Variants in CA10 observed in about 807,000 individuals in gnomAD.
The protein encoded by CA10 is carbonic anhydrase 10 (inactive).
A neutral mutation model predicts 44.2 loss-of-function variants in CA10; 14 were observed. The observed-to-expected ratio is 0.32, with a 90% confidence interval of 0.21 to 0.50. The LOEUF (loss-of-function observed/expected upper bound fraction) is 0.50. Among genes scored for constraint, CA10 ranks in the 20% least tolerant of loss-of-function variants. The probability of loss-of-function intolerance (pLI) is 0.99; values close to 1 mark genes in which losing one functional copy is unlikely to be tolerated. For synonymous variants in CA10, 159 were observed against 141.6 expected, an observed-to-expected ratio of 1.12 and a Z score of -0.87; for missense variants, 350 against 409.7, an observed-to-expected ratio of 0.85 and a Z score of 1.26.
intron 1 of CA10, among the ~76,000 whole-genome samples, chr17:52,141,683 G>A (rs914099172): frequency 2.0e-5 from 3 of 152,148 alleles, no homozygotes; most frequent in African/African-American, 7.2e-5. Context: ...AACAGGTTGT[G>A]GGCTGGATTT....
intron 1 of CA10, among the ~76,000 whole-genome samples, chr17:52,072,894 A>G (rs1183732177): frequency 6.6e-6 from 1 of 152,156 alleles, no homozygotes; most frequent in Non-Finnish European, 1.5e-5. Flanking sequence ...AAACAAGAAT[A>G]TAAATAACTG....
chr17:51,757,940 A>G (rs1905121707), intron 3 of CA10, among the ~76,000 whole-genome samples: 1 of 152,098 alleles, frequency 6.6e-6, no homozygotes, highest in Non-Finnish European at 1.5e-5. Context: ...GCTGTTAGGA[A>G]AAGAGTGGCT....
intron 4 of CA10, among the ~76,000 whole-genome samples, chr17:51,735,229 C>A (rs535491355): frequency 6.6e-6 from 1 of 152,254 alleles, no homozygotes; most frequent in East Asian, 1.9e-4. Context: ...AGAACAGAAT[C>A]ATGTCTTTTG....
intron 3 of CA10, among the ~76,000 whole-genome samples, chr17:51,930,268 T>C (rs1982598981): frequency 1.3e-5 from 2 of 152,108 alleles, no homozygotes; most frequent in African/African-American, 4.8e-5. Flanking sequence ...ATTTTCTGCA[T>C]GTGCATTTTT....
At position 51,931,146 on chromosome 17, in the gene CA10, G is replaced by A. The variant is rs759648220; in HGVS notation, c.137-14C>T. On this transcript the variant is annotated splice_polypyrimidine_tract_variant and intron_variant, in intron 2 of 8. Coordinates refer to ENST00000451037, the MANE Select transcript of CA10 (RefSeq NM_020178.5). ...AGAAAGAAGGAACTAGAAACAAAAA[G>A]AAATTATAGAATTAGGCTGAGTAGC... 2 of 1,612,608 alleles carry A rather than the reference G, an allele frequency of 1.2e-6. No individual in the cohort carries two copies. Among genetic ancestry groups the A allele is most frequent in the Non-Finnish European group, 8.5e-7 (1 of 1,179,224 alleles).
At chr17:51,912,093 A>G (rs1981811823) in intron 3 of CA10, among the ~76,000 whole-genome samples, 1 of 152,196 alleles carries the variant, frequency 6.6e-6, no homozygotes, top group Non-Finnish European at 1.5e-5. Context: ...TCACCATGTT[A>G]TATGTAGCAC....
intron 2 of CA10, among the ~76,000 whole-genome samples, chr17:51,953,601 C>A (rs1983564703): frequency 6.6e-6 from 1 of 151,998 alleles, no homozygotes. Flanking sequence ...TAGTTCAAGT[C>A]TCTTTTGGTG....
At chr17:52,109,126 A>G (rs954231710) in intron 1 of CA10, among the ~76,000 whole-genome samples, 1 of 152,164 alleles carries the variant, frequency 6.6e-6, no homozygotes, top group Non-Finnish European at 1.5e-5. Flanking sequence ...AACAAAACCA[A>G]TACTAGGAAG....
At chr17:51,818,773 G>A (rs1360183442) in intron 3 of CA10, among the ~76,000 whole-genome samples, 2 of 152,236 alleles carry the variant, frequency 1.3e-5, no homozygotes, top group East Asian at 3.9e-4. Context: ...TGGGATATTG[G>A]GCTCTTTTAT....
intron 2 of CA10, among the ~76,000 whole-genome samples, chr17:51,953,467 T>A (rs1038821898): frequency 1.8e-4 from 27 of 151,764 alleles, no homozygotes; most frequent in African/African-American, 6.5e-4. Context: ...TTTTTTTTTT[T>A]AATTTGAACT....
chr17:51,831,667 A>ACAGCAGCAGCAGCAGCAGCAGCAGCAGC (rs1413563405), intron 3 of CA10, among the ~76,000 whole-genome samples: 20 of 127,410 alleles, frequency 1.6e-4, no homozygotes, highest in Non-Finnish European at 2.6e-4. Context: ...AGAAAAGAAA[A>ACAGCAGCAGCAGCAGCAGCAGCAGCAGC]AGCAGCAGCA....
At chr17:52,073,790 C>T (rs913320477) in intron 1 of CA10, among the ~76,000 whole-genome samples, 4 of 152,072 alleles carry the variant, frequency 2.6e-5, no homozygotes, top group Non-Finnish European at 5.9e-5. Context: ...GGACAGCAGG[C>T]AAAGGAGGAA....
In CA10 at chr17:51,942,538, T is replaced by TTA. The variant is rs10549926; in HGVS notation, c.137-11408_137-11407dup. 8.4e-3 allele frequency among the ~76,000 whole-genome samples: 1,132 copies of TTA among 135,174 alleles called. 44 individuals are homozygous for TTA. Among genetic ancestry groups the TTA allele is most frequent in the African/African-American group, 0.026 (1,026 of 39,762 alleles). 88.7% of individuals were successfully genotyped at this position (135,174 alleles called of 152,430 possible). ...AGCCAGGAAGGAAATCTTGCAGGCA[T>TTA]TATATATATATATATATCTGTCATC... On this transcript the variant is annotated intron_variant, in intron 2 of 8. Coordinates refer to ENST00000451037, the MANE Select transcript of CA10 (RefSeq NM_020178.5).
At chr17:52,040,583 AG>A (rs1220433393) in intron 2 of CA10, among the ~76,000 whole-genome samples, 1 of 152,134 alleles carries the variant, frequency 6.6e-6, no homozygotes, top group Non-Finnish European at 1.5e-5. Context: ...CAGGCTATGC[AG>A]GACAATGATC....
At chr17:52,089,367 A>C (rs922516780) in intron 1 of CA10, among the ~76,000 whole-genome samples, 5 of 152,210 alleles carry the variant, frequency 3.3e-5, no homozygotes, top group Admixed American at 2.6e-4. Context: ...TTGGATTCCA[A>C]GGTTTTCTTA....
At chr17:51,821,839 C>T (rs1040918350) in intron 3 of CA10, among the ~76,000 whole-genome samples, 1 of 152,158 alleles carries the variant, frequency 6.6e-6, no homozygotes, top group Non-Finnish European at 1.5e-5. Flanking sequence ...AGTTTGACTC[C>T]CGATTCTGTT....
chr17:51,921,399 A>T (rs16950799), intron 3 of CA10, among the ~76,000 whole-genome samples: 13 of 152,244 alleles, frequency 8.5e-5, no homozygotes, highest in African/African-American at 2.9e-4. Flanking sequence ...CAGCAGAGCT[A>T]GTTCTCCCCT....
In CA10 at chr17:51,982,944, A is replaced by T. The variant is rs377061364; in HGVS notation, c.137-51812T>A. 2.6e-5 allele frequency among the ~76,000 whole-genome samples: 4 copies of T among 152,024 alleles called. No individual in the cohort carries two copies. The East Asian group carries it at 7.7e-4, about 29-fold the overall frequency. On this transcript the variant is annotated intron_variant, in intron 2 of 8. Coordinates refer to ENST00000451037, the MANE Select transcript of CA10 (RefSeq NM_020178.5). ...CACTCCTAAAATTAGATTAGGTGCCAACTTTATAAAGATAATTTCAGCTTA... is the reference window on the plus strand; with the variant it reads ...CACTCCTAAAATTAGATTAGGTGCCTACTTTATAAAGATAATTTCAGCTTA...
chr17:52,121,205 G>C (rs984091258), intron 1 of CA10, among the ~76,000 whole-genome samples: 2 of 152,146 alleles, frequency 1.3e-5, no homozygotes, highest in Non-Finnish European at 2.9e-5. Context: ...TCTTGCAGAC[G>C]TTATGGCAAA....
Sources: allele counts gnomAD v4.1 joint callset (sites outside exome capture counted in the v4.1 genomes callset), GRCh38; gene constraint gnomAD v4.1.1; transcripts MANE v1.5; gene names NCBI Gene and HGNC (gene_info 2026-07-23, HGNC 2026-07-21).